Variants in ABL1 observed in about 807,000 individuals in gnomAD.
ABL1 encodes the protein tyrosine-protein kinase ABL1.
In ABL1, 11 loss-of-function variants were observed where a neutral mutation model predicts 94.7. That is an observed-to-expected ratio of 0.12 (90% CI 0.07 to 0.19). The LOEUF (loss-of-function observed/expected upper bound fraction) is 0.19. Ranked by LOEUF, ABL1 falls within the 10% of genes least tolerant of loss-of-function variation. ABL1 has a pLI of 1.00. For synonymous variants in ABL1, 656 were observed against 622.4 expected (o/e 1.05, Z -0.80); for missense variants, 1,082 against 1,489.4 (o/e 0.73, Z 4.50).
rs77426574 is a variant in ABL1, at chr9:130,767,068, T to C, written c.136+52613T>C. Among the ~76,000 whole-genome samples the C allele has an allele frequency of 5.6e-3, 847 of 152,300 alleles. 9 individuals carry two copies. The highest frequency in any genetic ancestry group is 0.02 in the African/African-American group (812 of 41,552). On this transcript the variant is annotated intron_variant, in intron 1 of 10. Transcript: ENST00000372348. ...CCCTGGGCCCTGCCCTTCACTCAGC[T>C]TCTGGTGCCTGGCTCTTTCAGACCC... is the stretch of plus-strand genomic sequence containing the variant.
intron 6 of ABL1, among the ~76,000 whole-genome samples, chr9:130,873,589 A>G (rs988822750): frequency 1.3e-5 from 2 of 152,156 alleles, no homozygotes; most frequent in African/African-American, 2.4e-5. Context: ...TGTTTCCACA[A>G]TTGTCAGAAT....
chr9:130,841,936 TAGAGAG>T (rs35461924), intron 1 of ABL1, among the ~76,000 whole-genome samples: 1 of 137,324 alleles, frequency 7.3e-6, no homozygotes, highest in Non-Finnish European at 1.5e-5. Flanking sequence ...GGGAAGGAGA[TAGAGAG>T]AGAGAGAGGG....
intron 1 of ABL1, among the ~76,000 whole-genome samples, chr9:130,739,829 C>T (rs988122965): frequency 7.2e-5 from 11 of 152,244 alleles, no homozygotes; most frequent in African/African-American, 2.6e-4. Flanking sequence ...GAGAAGATTA[C>T]TTGAGCTCAG....
intron 1 of ABL1, among the ~76,000 whole-genome samples, chr9:130,809,222 T>C (rs1830170491): frequency 6.6e-6 from 1 of 152,066 alleles, no homozygotes; most frequent in South Asian, 2.1e-4. Context: ...GGAAACCCCT[T>C]AGTTCAGGGA....
intron 1 of ABL1, among the ~76,000 whole-genome samples, chr9:130,825,190 A>G (rs1830408980): frequency 6.6e-6 from 1 of 152,156 alleles, no homozygotes. Context: ...GATAACTTGG[A>G]TAAACACTGG....
chr9:130,869,802 A>G (rs1831222910), intron 4 of ABL1, among the ~76,000 whole-genome samples: 1 of 152,104 alleles, frequency 6.6e-6, no homozygotes, highest in Non-Finnish European at 1.5e-5. Context: ...ACAACTACAA[A>G]CGTAGGCTGT....
intron 1 of ABL1, among the ~76,000 whole-genome samples, chr9:130,784,365 A>G (rs1383986565): frequency 1.3e-5 from 2 of 152,218 alleles, no homozygotes; most frequent in Non-Finnish European, 2.9e-5. Flanking sequence ...GTGCAGAGAA[A>G]TTACAGCATT....
At position 130,820,372 on chromosome 9, in the gene ABL1, T is replaced by C. The variant is rs1187315092; in HGVS notation, c.137-33692T>C. Among the ~76,000 whole-genome samples, 4 of 152,196 alleles carry C rather than the reference T, an allele frequency of 2.6e-5. No homozygotes were observed. The East Asian group carries it at 7.7e-4, about 29-fold the overall frequency. On this transcript the variant is annotated intron_variant, in intron 1 of 10. Transcript: ENST00000372348. The stretch of plus-strand genomic sequence containing the variant: ...ATTACTTGTGAGGGCGTCCAAATGC[T>C]TCCTGTGAATGGAAGATGTGTTTCT...
At position 130,887,037 on chromosome 9, in the gene ABL1, C is replaced by T. The variant is rs1831597483; in HGVS notation, c.*1354C>T. On this transcript the variant is annotated 3_prime_UTR_variant, in exon 11 of 11. Coordinates refer to ENST00000318560, the MANE Select transcript of ABL1 (RefSeq NM_005157.6). ...TCCCCGAGGCTGCCCCAGGCCGGAG[C>T]CCAGATACGGGGGCTGTGACTCTGG... 8.6e-6 allele frequency: 2 copies of T among 233,028 alleles called. No homozygotes were observed. Among genetic ancestry groups the T allele is most frequent in the East Asian group, 1.2e-4 (2 of 16,550 alleles). 14.4% of individuals were successfully genotyped at this position (233,028 alleles called of 1,614,324 possible). A position where few individuals can be genotyped will look rare whatever the true frequency, so the allele number is the denominator to read the frequency against.
At chr9:130,743,195 C>T (rs1831841298) in intron 1 of ABL1, among the ~76,000 whole-genome samples, 1 of 152,204 alleles carries the variant, frequency 6.6e-6, no homozygotes, top group Non-Finnish European at 1.5e-5. Flanking sequence ...GCCTCAGCCT[C>T]CCAAGTAGCC....
In ABL1 at chr9:130,835,608, C is replaced by G. The variant is rs1030815526; in HGVS notation, c.79+83C>G. ...GGCCCTTCCTAGGCCTCGCCGCCCGCGCGCTCCCGCCTGCGCCCTCCCCGG... is the reference window on the plus strand; with the variant it reads ...GGCCCTTCCTAGGCCTCGCCGCCCGGGCGCTCCCGCCTGCGCCCTCCCCGG... On this transcript the variant is annotated intron_variant, in intron 1 of 10. Transcript: ENST00000318560. This position sits in a 1 kb window ranked among gnomAD's most constrained non-coding sequence, Gnocchi z 4.6. 1.7e-6 allele frequency: 2 copies of G among 1,181,330 alleles called. No individual in the cohort carries two copies. Among genetic ancestry groups the G allele is most frequent in the African/African-American group, 3.1e-5 (2 of 64,946 alleles). The allele number at this position is 1,181,330 out of a possible 1,614,324, so 73.2% of individuals were successfully genotyped here.
At chr9:130,783,818 G>A (rs1423144862) in intron 1 of ABL1, among the ~76,000 whole-genome samples, 1 of 152,064 alleles carries the variant, frequency 6.6e-6, no homozygotes, top group Non-Finnish European at 1.5e-5. Flanking sequence ...ACCACGCCCA[G>A]CTAATTTTTG....
chr9:130,721,646 G>T (rs1174267450), intron 1 of ABL1, among the ~76,000 whole-genome samples: 1 of 152,120 alleles, frequency 6.6e-6, no homozygotes, highest in African/African-American at 2.4e-5. Context: ...GGAAGCCAAG[G>T]CTGCAGTGAG....
At chr9:130,816,749 T>G (rs1830291508) in intron 1 of ABL1, among the ~76,000 whole-genome samples, 1 of 152,176 alleles carries the variant, frequency 6.6e-6, no homozygotes, top group African/African-American at 2.4e-5. Flanking sequence ...TCGCCCAGGC[T>G]GGACTGCAGA....
At chr9:130,847,533 T>C (rs1830791595) in intron 1 of ABL1, among the ~76,000 whole-genome samples, 1 of 152,206 alleles carries the variant, frequency 6.6e-6, no homozygotes, top group South Asian at 2.1e-4. Flanking sequence ...CGAGCATAGT[T>C]CACTATGAAA....
chr9:130,729,740 C>CT (rs149864780), intron 1 of ABL1, among the ~76,000 whole-genome samples: 28,750 of 145,762 alleles, frequency 0.2, 3,334 homozygotes, highest in Middle Eastern at 0.39. Flanking sequence ...TCTGCATATT[C>CT]TTTTTTTTTT....
intron 1 of ABL1, among the ~76,000 whole-genome samples, chr9:130,718,317 C>T (rs1247105037): frequency 2.7e-5 from 2 of 73,078 alleles, no homozygotes; most frequent in Non-Finnish European, 6.2e-5. Context: ...GACTCTGTCT[C>T]AAAAAAAAAA....
At chr9:130,715,926 G>T (rs977900104) in intron 1 of ABL1, among the ~76,000 whole-genome samples, 1 of 152,116 alleles carries the variant, frequency 6.6e-6, no homozygotes, top group African/African-American at 2.4e-5. Flanking sequence ...AGTAAAGCAG[G>T]TGTCTTAGCA....
At chr9:130,792,280 T>G (rs929073616) in intron 1 of ABL1, among the ~76,000 whole-genome samples, 1 of 152,190 alleles carries the variant, frequency 6.6e-6, no homozygotes, top group African/African-American at 2.4e-5. Flanking sequence ...TTTTCCTTTC[T>G]CTTGCCACTG....
Sources: allele counts gnomAD v4.1 joint callset (sites outside exome capture counted in the v4.1 genomes callset), GRCh38; gene constraint gnomAD v4.1.1; non-coding constraint Gnocchi (gnomAD v3.1); transcripts MANE v1.5; gene names NCBI Gene and HGNC (gene_info 2026-07-23, HGNC 2026-07-21).